EPHA5: variants seen among roughly 807,000 people sequenced by gnomAD.
EPHA5 encodes ephrin type-A receptor 5.
In EPHA5, 60 loss-of-function variants were observed where a neutral mutation model predicts 105.0. The ratio of observed to expected loss-of-function variants is 0.57; its 90% CI spans 0.46 to 0.71. The LOEUF (loss-of-function observed/expected upper bound fraction) is 0.71, where lower values mean the gene tolerates loss of function less well. EPHA5 is among the 30% of genes least tolerant of loss of function. The pLI, the probability that EPHA5 is intolerant of heterozygous loss-of-function variation, is 0.00. For synonymous variants in EPHA5, 513 were observed against 449.1 expected, an observed-to-expected ratio of 1.14 and a Z score of -1.80; for missense variants, 1,218 against 1,274.7, an observed-to-expected ratio of 0.96 and a Z score of 0.68.
intron 8 of EPHA5, among the ~76,000 whole-genome samples, chr4:65,373,656 C>T (rs1718708991): frequency 6.6e-6 from 1 of 151,848 alleles, no homozygotes; most frequent in Admixed American, 6.6e-5. Context: ...ATACACTAGA[C>T]TTCATTTATT....
At chr4:65,547,147 G>C (rs1171218357) in intron 3 of EPHA5, among the ~76,000 whole-genome samples, 1 of 152,028 alleles carries the variant, frequency 6.6e-6, no homozygotes, top group Non-Finnish European at 1.5e-5. Context: ...GTAGGTGTTT[G>C]TGTGAAATGC....
At chr4:65,520,384 G>A (rs34497151) in intron 3 of EPHA5, among the ~76,000 whole-genome samples, 21,819 of 151,992 alleles carry the variant, frequency 0.14, 1,796 homozygotes, top group Non-Finnish European at 0.18. Flanking sequence ...AATTCAAGAT[G>A]GATTAAAGAC....
At chr4:65,522,235 T>A (rs1734802562) in intron 3 of EPHA5, among the ~76,000 whole-genome samples, 1 of 151,562 alleles carries the variant, frequency 6.6e-6, no homozygotes, top group Non-Finnish European at 1.5e-5. Context: ...GATTTCCTGC[T>A]TCTTCCCTAG....
chr4:65,497,981 A>T (rs1475763270), intron 3 of EPHA5, among the ~76,000 whole-genome samples: 2 of 152,110 alleles, frequency 1.3e-5, no homozygotes, highest in East Asian at 3.9e-4. Flanking sequence ...CCAGGAAAAG[A>T]AAAAGGAGCT....
intron 3 of EPHA5, among the ~76,000 whole-genome samples, chr4:65,539,068 C>G (rs989265424): frequency 6.6e-6 from 1 of 151,626 alleles, no homozygotes; most frequent in Non-Finnish European, 1.5e-5. Context: ...AGCCTGCACC[C>G]TATCTAATAC....
At chr4:65,468,934 C>T (rs1729022497) in intron 5 of EPHA5, among the ~76,000 whole-genome samples, 1 of 151,836 alleles carries the variant, frequency 6.6e-6, no homozygotes, top group Non-Finnish European at 1.5e-5. Flanking sequence ...CATCTGGGGC[C>T]CTGTGGAGTT....
At chr4:65,417,388 T>A (rs954820361) in intron 6 of EPHA5, among the ~76,000 whole-genome samples, 5 of 152,232 alleles carry the variant, frequency 3.3e-5, no homozygotes, top group African/African-American at 7.2e-5. Flanking sequence ...CCATTTTTTT[T>A]ATAAATGAAA....
intron 5 of EPHA5, among the ~76,000 whole-genome samples, chr4:65,426,891 G>T (rs1560525252): frequency 6.6e-6 from 1 of 151,970 alleles, no homozygotes; most frequent in Non-Finnish European, 1.5e-5. Flanking sequence ...TTTGAATCTA[G>T]TATATATTGA....
At chr4:65,648,070 G>A (rs1748281372) in intron 1 of EPHA5, among the ~76,000 whole-genome samples, 1 of 152,056 alleles carries the variant, frequency 6.6e-6, no homozygotes, top group Non-Finnish European at 1.5e-5. Flanking sequence ...AAAGCTTTTA[G>A]AAAATTCACT....
rs575608289 is a variant in EPHA5 at position 65,418,862 on chromosome 4, C to CTTTTTTTTTTTTTTTTTTTTTTTTTTT, written c.1527+1552_1527+1578dup. On this transcript the variant is annotated intron_variant, in intron 6 of 16. Transcript: ENST00000613740. The stretch of plus-strand genomic sequence containing the variant: ...AACATTCAATACACTTACCTAAACT[C>CTTTTTTTTTTTTTTTTTTTTTTTTTTT]TTTTTTTTTTTTTTTTTTTTTTTTT... 2.3e-4 allele frequency among the ~76,000 whole-genome samples: 11 copies of CTTTTTTTTTTTTTTTTTTTTTTTTTTT among 47,074 alleles called. 1 individual carries two copies. The highest frequency in any genetic ancestry group is 7.7e-4 in the African/African-American group (7 of 9,090). The allele number at this position is 47,074 out of a possible 152,430, so 30.9% of individuals were successfully genotyped here. A position where few individuals can be genotyped will look rare whatever the true frequency, so the allele number is the denominator to read the frequency against.
At chr4:65,485,565 A>G (rs1233844086) in intron 5 of EPHA5, among the ~76,000 whole-genome samples, 1 of 152,184 alleles carries the variant, frequency 6.6e-6, no homozygotes, top group East Asian at 1.9e-4. Flanking sequence ...CTCCATAATG[A>G]TATAATGTTT....
chr4:65,574,625 T>C lies in EPHA5; in HGVS notation c.910+27016A>G, dbSNP rs924318717. 1.3e-3 allele frequency among the ~76,000 whole-genome samples: 160 copies of C among 125,398 alleles called. 2 individuals carry two copies. Among genetic ancestry groups the C allele is most frequent in the Middle Eastern group, 4.7e-3 (1 of 214 alleles). The allele number at this position is 125,398 out of a possible 152,430, so 82.3% of individuals were successfully genotyped here. A position where few individuals can be genotyped will look rare whatever the true frequency, so the allele number is the denominator to read the frequency against. ...GTATATATATATACATATATATATA[T>C]ACACATATATATATACACATATATA... On this transcript the variant is annotated intron_variant, in intron 3 of 16. Coordinates refer to ENST00000613740, the MANE Select transcript of EPHA5 (RefSeq NM_001281766.3).
chr4:65,516,709 A>G (rs1734140150), intron 3 of EPHA5, among the ~76,000 whole-genome samples: 1 of 152,094 alleles, frequency 6.6e-6, no homozygotes, highest in Non-Finnish European at 1.5e-5. Flanking sequence ...GCAATCTTCA[A>G]AAGAGAAAAT....
intron 3 of EPHA5, among the ~76,000 whole-genome samples, chr4:65,520,571 A>G (rs533865381): frequency 8.1e-4 from 124 of 152,300 alleles, no homozygotes; most frequent in Non-Finnish European, 1.4e-3. Flanking sequence ...AAAAGAAACT[A>G]CCATCAGAGT....
intron 3 of EPHA5, among the ~76,000 whole-genome samples, chr4:65,499,822 G>T (rs890274173): frequency 7.4e-6 from 1 of 134,960 alleles, no homozygotes; most frequent in Non-Finnish European, 1.7e-5. Context: ...ATAAATAAAT[G>T]TATAATCTTT....
intron 3 of EPHA5, among the ~76,000 whole-genome samples, chr4:65,562,556 G>A (rs1268696040): frequency 6.6e-6 from 1 of 151,998 alleles, no homozygotes; most frequent in Admixed American, 6.6e-5. Flanking sequence ...AAATTCATAA[G>A]AGAATGTTTG....
chr4:65,392,511 C>T lies in EPHA5; in HGVS notation c.1793+11863G>A, dbSNP rs1240916897. Among the ~76,000 whole-genome samples, 5 of 151,912 alleles carry T rather than the reference C, an allele frequency of 3.3e-5. No individual in the cohort carries two copies. The South Asian group carries it at 6.2e-4, about 19-fold the overall frequency. On this transcript the variant is annotated intron_variant, in intron 8 of 16. Coordinates refer to ENST00000613740, the MANE Select transcript of EPHA5 (RefSeq NM_001281766.3). ...TACAAGCCTAATCATGTTATAGATGCCAAATATATCAATTTATAAAAGTTA... is the reference window on the plus strand; with the variant it reads ...TACAAGCCTAATCATGTTATAGATGTCAAATATATCAATTTATAAAAGTTA...
intron 2 of EPHA5, among the ~76,000 whole-genome samples, chr4:65,629,249 T>C (rs530448144): frequency 8.5e-5 from 13 of 152,320 alleles, no homozygotes; most frequent in Admixed American, 7.9e-4. Context: ...ACAAGGACTT[T>C]CAGAACCAGG....
At chr4:65,360,871 A>T (rs979647446) in intron 11 of EPHA5, among the ~76,000 whole-genome samples, 12 of 151,468 alleles carry the variant, frequency 7.9e-5, no homozygotes, top group Non-Finnish European at 1.6e-4. Context: ...GCTAGACACA[A>T]AGGGGGTGAC....
Sources: gnomAD v4.1 joint callset for allele counts (sites outside exome capture counted in the v4.1 genomes callset) on GRCh38, gnomAD v4.1.1 for gene constraint, MANE v1.5 for transcripts, NCBI Gene and HGNC (gene_info 2026-07-23, HGNC 2026-07-21) for gene names.